Variants in GRM7 observed in about 807,000 individuals in gnomAD.
GRM7 encodes the protein metabotropic glutamate receptor 7.
GRM7 carries 35 observed loss-of-function variants against 84.5 expected under a neutral mutation model. The observed-to-expected ratio is 0.41, with a 90% CI of 0.32 to 0.55. The LOEUF (loss-of-function observed/expected upper bound fraction) is 0.55, where lower values mean the gene tolerates loss of function less well. Among genes scored for constraint, GRM7 ranks in the 20% least tolerant of loss-of-function variants. The probability of loss-of-function intolerance (pLI) is 0.19; values close to 1 mark genes in which losing one functional copy is unlikely to be tolerated. For missense variants in GRM7, 1,003 were observed against 1,194.6 expected (o/e 0.84, Z 2.36); for synonymous variants, 487 against 455.1 (o/e 1.07, Z -0.89).
At chr3:7,642,348 G>T (rs1698402960) in intron 8 of GRM7, among the ~76,000 whole-genome samples, 4 of 152,124 alleles carry the variant, frequency 2.6e-5, no homozygotes, top group Admixed American at 2.6e-4. Context: ...GTGGTAGAGG[G>T]AGAGGTAAGA....
chr3:7,019,451 C>T (rs1464241296), intron 1 of GRM7, among the ~76,000 whole-genome samples: 1 of 152,126 alleles, frequency 6.6e-6, no homozygotes, highest in East Asian at 1.9e-4. Flanking sequence ...CCTATCCATC[C>T]CTCTCTCTCC....
intron 7 of GRM7, among the ~76,000 whole-genome samples, chr3:7,550,737 G>A (rs1693428227): frequency 6.6e-6 from 1 of 151,736 alleles, no homozygotes; most frequent in African/African-American, 2.4e-5. Flanking sequence ...GGATCACCCA[G>A]CAAACTCAGG....
At chr3:6,940,254 G>A (rs1394281668) in intron 1 of GRM7, among the ~76,000 whole-genome samples, 1 of 152,006 alleles carries the variant, frequency 6.6e-6, no homozygotes, top group African/African-American at 2.4e-5. Flanking sequence ...ACCATGCCCA[G>A]CTAATTTTTA....
chr3:7,208,756 C>T (rs947698987), intron 2 of GRM7, among the ~76,000 whole-genome samples: 20 of 152,150 alleles, frequency 1.3e-4, no homozygotes, highest in African/African-American at 4.6e-4. Context: ...TTACTCCATA[C>T]TGCTCTGCAA....
rs191489827 is a variant in GRM7, at chr3:7,221,765, G to A, written c.736+75097G>A. Among the ~76,000 whole-genome samples the A allele has an allele frequency of 3.4e-5, 5 of 148,718 alleles. No homozygotes were observed. In the East Asian group the frequency reaches 9.9e-4, roughly 29 times the overall value. On this transcript the variant is annotated intron_variant, in intron 2 of 9. Coordinates refer to ENST00000357716, the MANE Select transcript of GRM7 (RefSeq NM_000844.4). ...GTTTTAGTTTCTCTTTTGTCTTGAG[G>A]TACTTGGAGATGACACATTGTATTT...
chr3:7,290,058 A>G (rs1259398498), intron 2 of GRM7, among the ~76,000 whole-genome samples: 1 of 152,180 alleles, frequency 6.6e-6, no homozygotes, highest in African/African-American at 2.4e-5. Flanking sequence ...TCTTATTAGT[A>G]TTTTATGTTA....
intron 1 of GRM7, among the ~76,000 whole-genome samples, chr3:6,885,121 C>A (rs1330286621): frequency 6.6e-6 from 1 of 152,146 alleles, no homozygotes; most frequent in Admixed American, 6.5e-5. Flanking sequence ...GACAGGCAGA[C>A]CCCCAAATTG....
Position 7,061,435 on chromosome 3 carries a change from G to A in GRM7, c.520-85017G>A, listed in dbSNP as rs939961791. On this transcript the variant is annotated intron_variant, in intron 1 of 9. Transcript: ENST00000357716. ...TACAGATGAGTAAAAGAGACACAGGGGAGTTAAGAAACATACCTAAGCTTC... is the reference window on the plus strand; with the variant it reads ...TACAGATGAGTAAAAGAGACACAGGAGAGTTAAGAAACATACCTAAGCTTC... 5.3e-5 allele frequency among the ~76,000 whole-genome samples: 8 copies of A among 151,778 alleles called. 1 individual carries two copies. The highest frequency in any genetic ancestry group is 1.3e-4 in the Admixed American group (2 of 15,180).
intron 5 of GRM7, among the ~76,000 whole-genome samples, chr3:7,449,861 A>G (rs575013491): frequency 1.9e-4 from 29 of 152,288 alleles, no homozygotes; most frequent in Non-Finnish European, 3.4e-4. Context: ...CTAAGAGAAA[A>G]CATGGATGAA....
intron 1 of GRM7, among the ~76,000 whole-genome samples, chr3:7,052,708 C>A: frequency 7.3e-6 from 1 of 137,214 alleles, no homozygotes; most frequent in East Asian, 2.2e-4. Flanking sequence ...CATGTTATTG[C>A]AAGTATCGGT....
At chr3:7,176,467 A>G (rs189484369) in intron 2 of GRM7, among the ~76,000 whole-genome samples, 2 of 152,106 alleles carry the variant, frequency 1.3e-5, no homozygotes, top group Non-Finnish European at 2.9e-5. Flanking sequence ...TTATATTATG[A>G]TTTTGCAAAC....
intron 6 of GRM7, among the ~76,000 whole-genome samples, chr3:7,457,526 C>T (rs1364079088): frequency 1.3e-5 from 2 of 152,142 alleles, no homozygotes; most frequent in Admixed American, 6.5e-5. Context: ...CATGTCTGTA[C>T]TTCAATTTAC....
intron 2 of GRM7, among the ~76,000 whole-genome samples, chr3:7,254,466 G>A (rs758313341): frequency 8.5e-5 from 13 of 152,208 alleles, no homozygotes; most frequent in Non-Finnish European, 1.5e-4. Flanking sequence ...CGTACAAGCT[G>A]TAGGTCAGCA....
At chr3:7,519,160 C>T (rs981429865) in intron 7 of GRM7, among the ~76,000 whole-genome samples, 96 of 152,198 alleles carry the variant, frequency 6.3e-4, no homozygotes, top group African/African-American at 2.1e-3. Context: ...CTTAAGTAAG[C>T]CATTTCTTAG....
At chr3:7,448,338 A>G (rs1237989880) in intron 5 of GRM7, among the ~76,000 whole-genome samples, 1 of 152,132 alleles carries the variant, frequency 6.6e-6, no homozygotes, top group African/African-American at 2.4e-5. Context: ...GACTTCCACA[A>G]TGGCAAACTC....
intron 9 of GRM7, among the ~76,000 whole-genome samples, chr3:7,707,882 G>C (rs1433823484): frequency 6.7e-6 from 1 of 149,056 alleles, no homozygotes; most frequent in Non-Finnish European, 1.5e-5. Flanking sequence ...TCTTATCAGA[G>C]TTCACTTTTG....
rs2125103573 is a variant in GRM7 at position 7,188,788 on chromosome 3, C to CT, written c.736+42121dup. On this transcript the variant is annotated intron_variant, in intron 2 of 9. Coordinates refer to ENST00000357716, the MANE Select transcript of GRM7 (RefSeq NM_000844.4). This position sits in a 1 kb window ranked among gnomAD's most constrained non-coding sequence, Gnocchi z 4.2. ...TTTTGAGATTCAGCCTCCTTTCCTC[C>CT]TGTGGCCCTGATATTCTGTAGTGAC... Among the ~76,000 whole-genome samples the CT allele has an allele frequency of 6.6e-6, 1 of 152,300 alleles. No homozygotes were observed. Among genetic ancestry groups the CT allele is most frequent in the Non-Finnish European group, 1.5e-5 (1 of 68,032 alleles).
chr3:7,206,282 G>A (rs549583521), intron 2 of GRM7, among the ~76,000 whole-genome samples: 5 of 152,302 alleles, frequency 3.3e-5, no homozygotes, highest in Non-Finnish European at 5.9e-5. Flanking sequence ...CCTATTAAAT[G>A]TTCAGTGGGA....
At chr3:7,519,783 G>A (rs1357801885) in intron 7 of GRM7, 1 of 152,196 alleles carries the variant, frequency 6.6e-6, no homozygotes, top group Non-Finnish European at 1.5e-5. Context: ...ATTTAGTGGG[G>A]ATAACTTGTC....
Sources: gnomAD v4.1 joint callset for allele counts (sites outside exome capture counted in the v4.1 genomes callset) on GRCh38, gnomAD v4.1.1 for gene constraint, Gnocchi (gnomAD v3.1) non-coding constraint, MANE v1.5 for transcripts, NCBI Gene and HGNC (gene_info 2026-07-23, HGNC 2026-07-21) for gene names.